Variants in ACCSL observed in about 807,000 individuals in gnomAD.
ACCSL encodes the protein probable inactive 1-aminocyclopropane-1-carboxylate synthase-like protein 2.
A neutral mutation model predicts 61.7 loss-of-function variants in ACCSL; 55 were observed. That is an observed-to-expected ratio of 0.89 (90% confidence interval 0.72 to 1.12). The LOEUF (loss-of-function observed/expected upper bound fraction) is 1.12. Among genes scored for constraint, ACCSL ranks in the 50% most tolerant of loss-of-function variants. ACCSL has a pLI of 0.00. For missense variants in ACCSL, 632 were observed against 698.0 expected (o/e 0.91, Z 1.07); for synonymous variants, 258 against 264.3 (o/e 0.98, Z 0.23).
chr11:44,018,584 AG>A, the ACCSL span, among the ~76,000 whole-genome samples: 2 of 152,258 alleles, frequency 1.3e-5, no homozygotes, highest in African/African-American at 4.8e-5. Context: ...TTGACCTTTC[AG>A]GGTCCATTCT....
chr11:44,037,232 C>T, the ACCSL span, among the ~76,000 whole-genome samples: 19 of 152,282 alleles, frequency 1.2e-4, no homozygotes, highest in East Asian at 3.5e-3. Flanking sequence ...CAGGAACAGT[C>T]GTATTTGCCA....
At chr11:44,047,844 A>C, upstream of ACCSL, 1 of 643,780 alleles carries the variant, frequency 1.6e-6, no homozygotes, top group Non-Finnish European at 2.6e-6. Context: ...CCTAAAGAGT[A>C]GGTAACTCTT....
At chr11:43,998,828 C>T in the ACCSL span, among the ~76,000 whole-genome samples, 6 of 150,826 alleles carry the variant, frequency 4.0e-5, no homozygotes, top group South Asian at 2.1e-4. Flanking sequence ...GATGTGATCA[C>T]GGCTCACTGC....
the ACCSL span, among the ~76,000 whole-genome samples, chr11:43,967,366 ACGGGGTT>A: frequency 6.6e-6 from 1 of 151,024 alleles, no homozygotes; most frequent in East Asian, 2.0e-4. Context: ...TTTAATAGAG[ACGGGGTT>A]TCACCATGTT....
the ACCSL span, among the ~76,000 whole-genome samples, chr11:43,960,308 CTTTAA>C: frequency 6.6e-6 from 1 of 152,234 alleles, no homozygotes; most frequent in Non-Finnish European, 1.5e-5. Context: ...TTCCTTTTTC[CTTTAA>C]TTTATTTTTA....
At chr11:44,035,954 A>AAG in the ACCSL span, among the ~76,000 whole-genome samples, 10 of 151,736 alleles carry the variant, frequency 6.6e-5, no homozygotes, top group African/African-American at 2.4e-4. Context: ...AAAAAAAAAA[A>AAG]AAAAAAGAAA....
chr11:44,024,685 T>C, the ACCSL span, among the ~76,000 whole-genome samples: 8 of 152,284 alleles, frequency 5.3e-5, no homozygotes, highest in African/African-American at 1.9e-4. Flanking sequence ...GAGAGTTCTA[T>C]AGATGTTCAT....
chr11:43,936,236 C>T, the ACCSL span, among the ~76,000 whole-genome samples: 4 of 152,176 alleles, frequency 2.6e-5, no homozygotes, highest in African/African-American at 7.2e-5. Context: ...CAGCGTTGCT[C>T]GGGCTGGCTT....
chr11:43,978,551 C>A, the ACCSL span, among the ~76,000 whole-genome samples: 4 of 152,170 alleles, frequency 2.6e-5, no homozygotes, highest in Non-Finnish European at 4.4e-5. Flanking sequence ...AACGCTCCCT[C>A]CCTGGCTTAC....
At chr11:44,056,725 C>T (rs975417543) in intron 11 of ACCSL, among the ~76,000 whole-genome samples, 24 of 151,996 alleles carry the variant, frequency 1.6e-4, no homozygotes, top group Non-Finnish European at 2.2e-4. Context: ...CCAGCTACTT[C>T]GGGGGCTGAG....
chr11:44,048,688 A>G, intron 1 of ACCSL, 148 bp downstream of exon 1: 1 of 849,492 alleles, frequency 1.2e-6, no homozygotes, highest in Non-Finnish European at 1.8e-6. Flanking sequence ...TAAGGGAATA[A>G]TTACAGAAAT....
the ACCSL span, among the ~76,000 whole-genome samples, chr11:43,924,646 G>A: frequency 9.8e-5 from 15 of 152,340 alleles, no homozygotes; most frequent in Non-Finnish European, 2.2e-4. Context: ...GGGCCACCTC[G>A]CAGGAAGGCA....
At chr11:43,948,737 G>T in the ACCSL span, among the ~76,000 whole-genome samples, 1 of 152,176 alleles carries the variant, frequency 6.6e-6, no homozygotes, top group Non-Finnish European at 1.5e-5. Context: ...GCCTCCCAAA[G>T]TGATGAGATT....
chr11:44,054,707 G>A (rs987134414), intron 8 of ACCSL, among the ~76,000 whole-genome samples: 5 of 151,990 alleles, frequency 3.3e-5, no homozygotes, highest in South Asian at 2.1e-4. Flanking sequence ...CACCCACCTC[G>A]GCCTCCCAAA....
the ACCSL span, among the ~76,000 whole-genome samples, chr11:43,939,485 T>C: frequency 0.22 from 33,991 of 152,016 alleles, 4,290 homozygotes; most frequent in African/African-American, 0.33. Flanking sequence ...GATGGTGGGT[T>C]TTAATAAGCA....
At chr11:43,921,185 T>G in the ACCSL span, 1 of 152,240 alleles carries the variant, frequency 6.6e-6, no homozygotes, top group African/African-American at 2.4e-5. Flanking sequence ...CAGTGCCTTC[T>G]TGCTTTTTAT....
chr11:44,030,257 G>A, the ACCSL span, among the ~76,000 whole-genome samples: 97 of 150,846 alleles, frequency 6.4e-4, no homozygotes, highest in Middle Eastern at 3.4e-3. Flanking sequence ...ACAAATTTGA[G>A]GAGTCTTGAC....
At chr11:43,972,554 C>T in the ACCSL span, among the ~76,000 whole-genome samples, 34 of 152,246 alleles carry the variant, frequency 2.2e-4, no homozygotes, top group African/African-American at 5.3e-4. Context: ...CCCAGTCCTG[C>T]GGGTGACCAG....
the ACCSL span, among the ~76,000 whole-genome samples, chr11:44,032,657 C>T: frequency 2.0e-5 from 3 of 152,060 alleles, no homozygotes; most frequent in East Asian, 3.9e-4. Flanking sequence ...GGGGAGCGGG[C>T]GGATACGTGG....
Sources: gnomAD v4.1 joint callset for allele counts (sites outside exome capture counted in the v4.1 genomes callset) on GRCh38, gnomAD v4.1.1 for gene constraint, MANE v1.5 for transcripts, NCBI Gene and HGNC (gene_info 2026-07-23, HGNC 2026-07-21) for gene names.